TMIGD1: variants seen among roughly 807,000 people sequenced by gnomAD.
TMIGD1 encodes the protein transmembrane and immunoglobulin domain containing 1.
TMIGD1 carries 29 observed loss-of-function variants against 27.5 expected under a neutral mutation model. That is an observed-to-expected ratio of 1.05 (90% CI 0.78 to 1.44). The LOEUF is 1.44. Ranked by LOEUF, TMIGD1 falls within the 40% of genes most tolerant of loss-of-function variation. The pLI is 0.00. For missense variants in TMIGD1, 334 were observed against 310.6 expected (o/e 1.08, Z -0.57); for synonymous variants, 109 against 110.3 (o/e 0.99, Z 0.07).
intron 3 of TMIGD1, among the ~76,000 whole-genome samples, chr17:30,325,683 T>C (rs1909751615): frequency 6.6e-6 from 1 of 152,172 alleles, no homozygotes; most frequent in Non-Finnish European, 1.5e-5. Flanking sequence ...GTGGTGGTTT[T>C]GAGGGTTACT....
chr17:30,323,956 A>G (rs1909694816), intron 4 of TMIGD1, among the ~76,000 whole-genome samples: 1 of 152,210 alleles, frequency 6.6e-6, no homozygotes, highest in African/African-American at 2.4e-5. Context: ...TTCATATCCC[A>G]TAACTCTTCC....
At chr17:30,331,689 C>T (rs576595255) in intron 2 of TMIGD1, among the ~76,000 whole-genome samples, 1 of 151,288 alleles carries the variant, frequency 6.6e-6, no homozygotes, top group Non-Finnish European at 1.5e-5. Context: ...CCTGGGTTCA[C>T]GCCATTCTCC....
intron 3 of TMIGD1, among the ~76,000 whole-genome samples, chr17:30,328,037 CT>C (rs112237075): frequency 0.024 from 3,222 of 135,426 alleles, 55 homozygotes; most frequent in African/African-American, 0.062. Flanking sequence ...TAATGAAAAT[CT>C]TTTTTTTTTT....
intron 4 of TMIGD1, 37 bp downstream of exon 4, chr17:30,324,779 T>C (rs1909718411): frequency 6.3e-7 from 1 of 1,595,246 alleles, no homozygotes; most frequent in Admixed American, 1.7e-5. Context: ...GGTGTGAGTT[T>C]TGCACTGTGC....
chr17:30,332,014 C>A lies in TMIGD1; in HGVS notation c.82+38G>T, dbSNP rs942425560. 19 of 1,464,996 alleles carry A rather than the reference C, an allele frequency of 1.3e-5. No individual in the cohort carries two copies. The African/African-American group carries it at 1.8e-4, about 14-fold the overall frequency. The allele number at this position is 1,464,996 out of a possible 1,614,324, so 90.7% of individuals were successfully genotyped here. A position where few individuals can be genotyped will look rare whatever the true frequency, so the allele number is the denominator to read the frequency against. On this transcript the variant is annotated intron_variant, in intron 2 of 6. Transcript: ENST00000328886. ...TCACTTTTCTTAATCGGAAATTTTT[C>A]TTTATCTAAAAAGAGGCCAAAAAGA...
chr17:30,318,158 G>T (rs1909482526), intron 5 of TMIGD1, among the ~76,000 whole-genome samples: 1 of 152,118 alleles, frequency 6.6e-6, no homozygotes, highest in Non-Finnish European at 1.5e-5. Context: ...GGAATAGGGG[G>T]TGGAGTGAAT....
At chr17:30,328,519 G>T (rs1448507954) in intron 3 of TMIGD1, among the ~76,000 whole-genome samples, 2 of 151,880 alleles carry the variant, frequency 1.3e-5, no homozygotes, top group Non-Finnish European at 2.9e-5. Context: ...AATCTACAAA[G>T]CCCTTGTACA....
intron 4 of TMIGD1, among the ~76,000 whole-genome samples, chr17:30,322,908 T>C (rs1013325957): frequency 4.6e-5 from 7 of 152,214 alleles, no homozygotes; most frequent in African/African-American, 1.7e-4. Flanking sequence ...TGGTGGTTCA[T>C]GCCTGTAACC....
intron 2 of TMIGD1, among the ~76,000 whole-genome samples, chr17:30,331,299 T>C (rs1179179864): frequency 6.8e-6 from 1 of 147,806 alleles, no homozygotes; most frequent in Non-Finnish European, 1.5e-5. Context: ...GATGAAAGTA[T>C]TTGGGGGGAT....
intron 3 of TMIGD1, among the ~76,000 whole-genome samples, chr17:30,327,854 C>T (rs921765797): frequency 1.3e-5 from 2 of 151,944 alleles, no homozygotes; most frequent in African/African-American, 4.8e-5. Flanking sequence ...ACCATCCACA[C>T]CATTCTCATG....
chr17:30,331,583 A>ATTT (rs71360742), intron 2 of TMIGD1, among the ~76,000 whole-genome samples: 15 of 133,176 alleles, frequency 1.1e-4, no homozygotes, highest in African/African-American at 3.6e-4. Context: ...TTTCCATTTG[A>ATTT]TTTTTTTTTT....
chr17:30,317,959 T>G (rs187258298), intron 5 of TMIGD1, among the ~76,000 whole-genome samples: 17 of 151,722 alleles, frequency 1.1e-4, no homozygotes, highest in African/African-American at 3.6e-4. Context: ...TCCCAGCTAC[T>G]AGGGAGGCTG....
intron 6 of TMIGD1, 52 bp downstream of exon 6, chr17:30,317,141 T>G (rs781516604): frequency 6.3e-7 from 1 of 1,586,788 alleles, no homozygotes; most frequent in Non-Finnish European, 8.7e-7. Context: ...TGCATATCAC[T>G]GCTATTCATC....
In TMIGD1 at chr17:30,332,087, A is replaced by T. The variant is rs1261386835; in HGVS notation, c.47T>A (p.Leu16His). 1.2e-6 allele frequency: 2 copies of T among 1,613,604 alleles called. No homozygotes were observed. The highest frequency in any genetic ancestry group is 2.2e-5 in the South Asian group (2 of 90,970). Residue 16 changes from leucine to histidine, a missense_variant, in exon 2 of 7, where the codon CTC becomes CAC. Physicochemically the swap from Leu to His is moderately conservative, Grantham distance 99. Coordinates refer to ENST00000328886, the MANE Select transcript of TMIGD1 (RefSeq NM_206832.3). ...ACGTGGCAGAAATAAAATTACTAAG[A>T]GAAGAAATCTTCCCATTTGCATTAT... Reference protein sequence around the residue: ...SVIMQMGRFLLLVILFLPREM... With the variant: ...SVIMQMGRFLHLVILFLPREM...
At position 30,330,699 on chromosome 17, in the gene TMIGD1, G is replaced by A. The variant is rs75436292; in HGVS notation, c.83-1170C>T. ...GTTGGGTGATCAGGATACATACCAG[G>A]TTTTTTTTGTTTTGTTTTGTTTTTC... is the stretch of plus-strand genomic sequence containing the variant. On this transcript the variant is annotated intron_variant, in intron 2 of 6. Coordinates refer to ENST00000328886, the MANE Select transcript of TMIGD1 (RefSeq NM_206832.3). Among the ~76,000 whole-genome samples the A allele has an allele frequency of 6.7e-3, 1,012 of 152,042 alleles. 7 individuals carry two copies. Among genetic ancestry groups the A allele is most frequent in the African/African-American group, 0.013 (526 of 41,470 alleles).
chr17:30,324,918 G>A lies in TMIGD1; in HGVS notation c.538C>T (p.Leu180=), dbSNP rs370530656. The part of the protein sequence containing the change: ...QIQQTSESFQ[L]SITKVEKPDN... ...GGCTTCTCGACTTTGGTGATTGACA[G>A]CTGAAAAGACTCACTTGTCTGTTGG... Residue 180 remains leucine (L), a synonymous_variant, in exon 4 of 7, where the codon CTG becomes TTG. Transcript: ENST00000328886. 2.0e-4 allele frequency: 317 copies of A among 1,614,188 alleles called. No individual in the cohort carries two copies. The Middle Eastern group carries it at 3.3e-3, about 17-fold the overall frequency.
In TMIGD1 at chr17:30,319,261, A is replaced by AATATATATATAT. The variant is rs1175035556; in HGVS notation, c.641-360_641-349dup. On this transcript the variant is annotated intron_variant, in intron 4 of 6. Transcript: ENST00000328886. Reference sequence around the variant, plus strand: ...TGTAAAAAAAAAAGAAAAAAAAAAAAATATATATATATATATAGCTGGGCA... The same window carrying AATATATATATAT: ...TGTAAAAAAAAAAGAAAAAAAAAAAAATATATATATATATATATATATATATATAGCTGGGCA... 9.3e-3 allele frequency among the ~76,000 whole-genome samples: 629 copies of AATATATATATAT among 67,528 alleles called. 1 individual carries two copies. The highest frequency in any genetic ancestry group is 0.013 in the Non-Finnish European group (460 of 36,782). The allele number at this position is 67,528 out of a possible 152,430, so 44.3% of individuals were successfully genotyped here.
Position 30,323,561 on chromosome 17 carries a change from C to T in TMIGD1, c.640+1255G>A, listed in dbSNP as rs1434832473. ...GCCCCACCCAAAACAAGTTTCTGCCCACCTGAAAGCCAATTTGCTAAGCTA... is the reference window on the plus strand; with the variant it reads ...GCCCCACCCAAAACAAGTTTCTGCCTACCTGAAAGCCAATTTGCTAAGCTA... On this transcript the variant is annotated intron_variant, in intron 4 of 6. Transcript: ENST00000328886. Among the ~76,000 whole-genome samples, 4 of 152,272 alleles carry T rather than the reference C, an allele frequency of 2.6e-5. No individual in the cohort carries two copies. The East Asian group carries it at 5.8e-4, about 22-fold the overall frequency.
chr17:30,326,487 G>A (rs1909778754), intron 3 of TMIGD1, among the ~76,000 whole-genome samples: 1 of 151,920 alleles, frequency 6.6e-6, no homozygotes, highest in African/African-American at 2.4e-5. Flanking sequence ...ATTATTTTAG[G>A]GACATGGGAA....
Sources: gnomAD v4.1 joint callset for allele counts (sites outside exome capture counted in the v4.1 genomes callset) on GRCh38, gnomAD v4.1.1 for gene constraint, MANE v1.5 for transcripts, NCBI Gene and HGNC (gene_info 2026-07-23, HGNC 2026-07-21) for gene names.